TIMP2: variants seen among roughly 807,000 people sequenced by gnomAD.
TIMP2 encodes metalloproteinase inhibitor 2.
A neutral mutation model predicts 24.3 loss-of-function variants in TIMP2; 5 were observed. That is an observed-to-expected ratio of 0.21 (90% CI 0.11 to 0.43). TIMP2 has a LOEUF of 0.43. Among genes scored for constraint, TIMP2 ranks in the 20% least tolerant of loss-of-function variants. The pLI, the probability that TIMP2 is intolerant of heterozygous loss-of-function variation, is 1.00. For missense variants in TIMP2, 221 were observed against 297.5 expected (o/e 0.74, Z 1.89); for synonymous variants, 130 against 123.2 (o/e 1.06, Z -0.37).
chr17:78,891,677 G>A lies in TIMP2; in HGVS notation c.131-17758C>T, dbSNP rs532810670. Reference sequence around the variant, plus strand: ...CCCCTTTCCCAGTTGCCTCCTCCCCGCCCGAGCTGTTCCTTTCTCTTTTTC... The same window carrying A: ...CCCCTTTCCCAGTTGCCTCCTCCCCACCCGAGCTGTTCCTTTCTCTTTTTC... On this transcript the variant is annotated intron_variant, in intron 1 of 4. Transcript: ENST00000262768. The surrounding 1 kb of genome is among the most constrained non-coding windows in gnomAD (Gnocchi z 4.5). 4.0e-5 allele frequency: 62 copies of A among 1,550,916 alleles called. No individual in the cohort carries two copies. The highest frequency in any genetic ancestry group is 1.7e-4 in the Middle Eastern group (1 of 5,996).
chr17:78,881,993 T>A (rs1046549814), intron 1 of TIMP2, among the ~76,000 whole-genome samples: 4 of 152,190 alleles, frequency 2.6e-5, no homozygotes, highest in Non-Finnish European at 2.9e-5. Context: ...AGATAGAGTT[T>A]CGCTCTTGTC....
At chr17:78,876,205 G>A (rs2145757173) in intron 1 of TIMP2, among the ~76,000 whole-genome samples, 1 of 152,086 alleles carries the variant, frequency 6.6e-6, no homozygotes, top group East Asian at 1.9e-4. Flanking sequence ...TAAAATATGA[G>A]CGCCTTTGCA....
At chr17:78,881,786 C>T (rs2069782605) in intron 1 of TIMP2, among the ~76,000 whole-genome samples, 1 of 152,250 alleles carries the variant, frequency 6.6e-6, no homozygotes, top group Admixed American at 6.5e-5. Context: ...TGTCTAAACT[C>T]TCCAGAAAAG....
chr17:78,919,728 G>A (rs909039115), intron 1 of TIMP2, among the ~76,000 whole-genome samples: 3 of 152,096 alleles, frequency 2.0e-5, no homozygotes, highest in African/African-American at 4.8e-5. Flanking sequence ...CCAGCTACTC[G>A]GGAGGCTGAG....
rs540313762 is a variant in TIMP2 at position 78,914,226 on chromosome 17, T to C, written c.130+10733A>G. ...GTTTTATTGCTTCTTGAGAACATTA[T>C]TGGCATTCATCTGCCTTCGAAATTT... On this transcript the variant is annotated intron_variant, in intron 1 of 4. Transcript: ENST00000262768. Among the ~76,000 whole-genome samples the C allele has an allele frequency of 4.6e-5, 7 of 152,202 alleles. No homozygotes were observed. The South Asian group carries it at 1.4e-3, about 32-fold the overall frequency.
chr17:78,911,867 G>T (rs1412232037), intron 1 of TIMP2, among the ~76,000 whole-genome samples: 2 of 136,300 alleles, frequency 1.5e-5, no homozygotes, highest in Non-Finnish European at 3.1e-5. Flanking sequence ...CCAACATGGT[G>T]AAACCCTATC....
At chr17:78,890,747 C>G (rs767395031) in intron 1 of TIMP2, 1 of 1,550,562 alleles carries the variant, frequency 6.4e-7, no homozygotes, top group African/African-American at 1.4e-5. Context: ...GATCATCTGA[C>G]TGTGCCGGTC....
At chr17:78,919,974 G>A (rs1470814206) in intron 1 of TIMP2, among the ~76,000 whole-genome samples, 4 of 152,126 alleles carry the variant, frequency 2.6e-5, no homozygotes, top group Admixed American at 6.5e-5. Context: ...CCACTGCCAC[G>A]TCTGCCTGTC....
At chr17:78,856,224 T>C in intron 4 of TIMP2, 1 of 276,100 alleles carries the variant, frequency 3.6e-6, no homozygotes, top group Non-Finnish European at 7.1e-6. Flanking sequence ...TCCAGCCCAG[T>C]GTTGCTCGCA....
intron 1 of TIMP2, among the ~76,000 whole-genome samples, chr17:78,908,216 T>A (rs1397682301): frequency 6.6e-6 from 1 of 152,194 alleles, no homozygotes; most frequent in Non-Finnish European, 1.5e-5. Flanking sequence ...ACCACGCCCC[T>A]GCTACTGTAT....
At position 78,855,679 on chromosome 17, in the gene TIMP2, G is replaced by A. The variant is rs752540256; in HGVS notation, c.651C>T (p.Ile217=). 1.6e-5 allele frequency: 26 copies of A among 1,613,722 alleles called. No individual in the cohort carries two copies. Among genetic ancestry groups the A allele is most frequent in the Middle Eastern group, 1.6e-4 (1 of 6,084 alleles). ...AAPPKQEFLD[I]EDP The stretch of plus-strand genomic sequence containing the variant: ...GTTGGAGGCCTGCTTATGGGTCCTC[G>A]ATGTCGAGAAACTCCTGCTTGGGGG... Residue 217 remains isoleucine, a synonymous_variant, in exon 5 of 5, where the codon ATC becomes ATT. Transcript: ENST00000262768. The surrounding 1 kb of genome is among the most constrained non-coding windows in gnomAD (Gnocchi z 6.0).
chr17:78,893,030 C>T (rs1340837830), intron 1 of TIMP2, among the ~76,000 whole-genome samples: 2 of 152,010 alleles, frequency 1.3e-5, no homozygotes, highest in African/African-American at 2.4e-5. Context: ...GAGGAAGAGA[C>T]GGGGCAGGGA....
At chr17:78,871,250 G>C (rs577980234) in intron 2 of TIMP2, among the ~76,000 whole-genome samples, 1 of 151,864 alleles carries the variant, frequency 6.6e-6, no homozygotes, top group South Asian at 2.1e-4. Context: ...TCAGGAGTTT[G>C]AGACCAGCCT....
intron 3 of TIMP2, among the ~76,000 whole-genome samples, chr17:78,865,705 C>T (rs1258975986): frequency 4.0e-5 from 6 of 150,386 alleles, no homozygotes; most frequent in Admixed American, 3.3e-4. Context: ...GGCAGGAGAA[C>T]TGCTTGAACC....
At chr17:78,913,074 A>G (rs943648807) in intron 1 of TIMP2, among the ~76,000 whole-genome samples, 3 of 152,108 alleles carry the variant, frequency 2.0e-5, no homozygotes. Flanking sequence ...GTGTGGTGGC[A>G]AAAAGAAAAA....
At chr17:78,856,666 G>A (rs1281314052) in intron 4 of TIMP2, 1 of 152,482 alleles carries the variant, frequency 6.6e-6, no homozygotes, top group Non-Finnish European at 1.5e-5. Flanking sequence ...ACCTTCCACA[G>A]CCACATCTAG....
chr17:78,914,025 T>C (rs1440452484), intron 1 of TIMP2, among the ~76,000 whole-genome samples: 2 of 152,074 alleles, frequency 1.3e-5, no homozygotes, highest in African/African-American at 2.4e-5. Context: ...AGAAGGCATT[T>C]GGGACGTGAA....
intron 1 of TIMP2, among the ~76,000 whole-genome samples, chr17:78,877,770 C>A (rs549610906): frequency 6.7e-6 from 1 of 149,498 alleles, no homozygotes; most frequent in African/African-American, 2.5e-5. Context: ...ATGGTGCAAT[C>A]TTGGCCCACT....
chr17:78,862,844 A>C (rs1362902924), intron 3 of TIMP2, among the ~76,000 whole-genome samples: 1 of 152,228 alleles, frequency 6.6e-6, no homozygotes, highest in Non-Finnish European at 1.5e-5. Context: ...TAGTTCCCTT[A>C]GGATAATGGT....
Sources: gnomAD v4.1 joint callset for allele counts (sites outside exome capture counted in the v4.1 genomes callset) on GRCh38, gnomAD v4.1.1 for gene constraint, Gnocchi (gnomAD v3.1) non-coding constraint, MANE v1.5 for transcripts, NCBI Gene and HGNC (gene_info 2026-07-23, HGNC 2026-07-21) for gene names.